SMAP1: variants seen among roughly 807,000 people sequenced by gnomAD.
The protein encoded by SMAP1 is stromal membrane-associated protein 1.
SMAP1 carries 24 observed loss-of-function variants against 58.5 expected under a neutral mutation model. The observed-to-expected ratio is 0.41, with a 90% CI of 0.30 to 0.58. SMAP1 has a LOEUF of 0.58. Ranked by LOEUF, SMAP1 falls within the 20% of genes least tolerant of loss-of-function variation. The pLI is 0.29. For synonymous variants in SMAP1, 216 were observed against 196.6 expected (o/e 1.10, Z -0.82); for missense variants, 563 against 566.3 (o/e 0.99, Z 0.06).
At chr6:70,769,821 T>G (rs1209088896) in intron 3 of SMAP1, among the ~76,000 whole-genome samples, 2 of 152,206 alleles carry the variant, frequency 1.3e-5, no homozygotes. Context: ...ATTTTGCTCG[T>G]TAGTTGATGC....
At chr6:70,680,540 A>G (rs578087688) in intron 1 of SMAP1, among the ~76,000 whole-genome samples, 1 of 152,162 alleles carries the variant, frequency 6.6e-6, no homozygotes, top group Non-Finnish European at 1.5e-5. Context: ...AAACAATTCA[A>G]ATGTTTTATC....
intron 2 of SMAP1, among the ~76,000 whole-genome samples, chr6:70,734,019 A>G (rs948912810): frequency 2.6e-5 from 4 of 151,186 alleles, no homozygotes; most frequent in African/African-American, 4.9e-5. Flanking sequence ...TTTTTTTTAC[A>G]ATGTAAGGAT....
intron 6 of SMAP1, among the ~76,000 whole-genome samples, chr6:70,802,376 G>C (rs1324876337): frequency 1.3e-5 from 2 of 152,202 alleles, no homozygotes; most frequent in Non-Finnish European, 2.9e-5. Flanking sequence ...AAACTTTGCT[G>C]AAGTTGCTTA....
intron 7 of SMAP1, among the ~76,000 whole-genome samples, chr6:70,846,300 T>A (rs117785728): frequency 2.6e-5 from 4 of 152,174 alleles, no homozygotes; most frequent in African/African-American, 9.7e-5. Context: ...TTGGAAAGCA[T>A]TTCAATTAAT....
At chr6:70,852,484 T>A in intron 7 of SMAP1, 56 bp from the exon 8 acceptor site, 2 of 1,388,758 alleles carry the variant, frequency 1.4e-6, no homozygotes, top group Non-Finnish European at 1.9e-6. Flanking sequence ...AATAATGCCA[T>A]GTTTCAAGTA....
At chr6:70,759,460 G>T (rs1582128406) in intron 3 of SMAP1, among the ~76,000 whole-genome samples, 1 of 151,974 alleles carries the variant, frequency 6.6e-6, no homozygotes, top group East Asian at 1.9e-4. Flanking sequence ...CATCCTTTAT[G>T]TGTTACCTAT....
intron 2 of SMAP1, among the ~76,000 whole-genome samples, chr6:70,742,431 A>T (rs1325029090): frequency 6.6e-6 from 1 of 152,210 alleles, no homozygotes; most frequent in African/African-American, 2.4e-5. Context: ...ACATAGCAAG[A>T]GTCACCTTTA....
chr6:70,858,295 T>G, intron 10 of SMAP1, 66 bp downstream of exon 10: 1 of 1,209,590 alleles, frequency 8.3e-7, no homozygotes, highest in South Asian at 1.7e-5. Context: ...ATCTTTTTTT[T>G]TTTTTTTTTT....
At chr6:70,773,764 T>C (rs528758380) in intron 4 of SMAP1, among the ~76,000 whole-genome samples, 22 of 152,308 alleles carry the variant, frequency 1.4e-4, no homozygotes, top group African/African-American at 5.3e-4. Context: ...AAGGCAAATA[T>C]ATGTCTTCCT....
intron 1 of SMAP1, among the ~76,000 whole-genome samples, chr6:70,669,073 A>G (rs1230214200): frequency 6.6e-6 from 1 of 152,064 alleles, no homozygotes; most frequent in East Asian, 1.9e-4. Context: ...GATCTGATTT[A>G]TGTTTAATGT....
At chr6:70,749,291 C>T (rs923531086) in intron 2 of SMAP1, among the ~76,000 whole-genome samples, 2 of 152,132 alleles carry the variant, frequency 1.3e-5, no homozygotes, top group Non-Finnish European at 2.9e-5. Context: ...ATTCAATCAC[C>T]TCCCACCAAG....
At chr6:70,765,391 A>G (rs1766926169) in intron 3 of SMAP1, among the ~76,000 whole-genome samples, 1 of 152,238 alleles carries the variant, frequency 6.6e-6, no homozygotes, top group African/African-American at 2.4e-5. Context: ...ACATTTCTAA[A>G]TAAAGACCCA....
chr6:70,857,861 A>G, intron 9 of SMAP1, 61 bp from the exon 10 acceptor site: 1 of 1,557,302 alleles, frequency 6.4e-7, no homozygotes, highest in African/African-American at 1.4e-5. Flanking sequence ...CTGTGATTAT[A>G]GAGATGAGTG....
At chr6:70,742,060 A>G (rs1226590569) in intron 2 of SMAP1, among the ~76,000 whole-genome samples, 1 of 152,232 alleles carries the variant, frequency 6.6e-6, no homozygotes, top group Non-Finnish European at 1.5e-5. Context: ...TAGGCCCCTA[A>G]GCCTGTGATA....
intron 2 of SMAP1, among the ~76,000 whole-genome samples, chr6:70,740,988 G>A (rs1382256444): frequency 6.6e-6 from 1 of 152,102 alleles, no homozygotes; most frequent in Non-Finnish European, 1.5e-5. Flanking sequence ...AACAGTAAGG[G>A]GAAAACCGCC....
intron 6 of SMAP1, among the ~76,000 whole-genome samples, chr6:70,805,651 G>C (rs1178342509): frequency 6.6e-6 from 1 of 152,114 alleles, no homozygotes; most frequent in Non-Finnish European, 1.5e-5. Context: ...ATCTACCTTT[G>C]GTCTTTGATG....
At chr6:70,675,634 GA>G (rs1766451697) in intron 1 of SMAP1, among the ~76,000 whole-genome samples, 1 of 148,274 alleles carries the variant, frequency 6.7e-6, no homozygotes, top group African/African-American at 2.5e-5. Flanking sequence ...CTGGGCAACA[GA>G]GCGAGACTCC....
At position 70,723,690 on chromosome 6, in the gene SMAP1, A is replaced by G. The variant is rs1167139931; in HGVS notation, c.119-8688A>G. On this transcript the variant is annotated intron_variant, in intron 1 of 10. Transcript: ENST00000370455. ...CTGGAGTTTATCTGTTTAGTTTACTACTATATCCCCAGAGCCCTTAACAGT... is the reference window on the plus strand; with the variant it reads ...CTGGAGTTTATCTGTTTAGTTTACTGCTATATCCCCAGAGCCCTTAACAGT... Among the ~76,000 whole-genome samples, 5 of 152,148 alleles carry G rather than the reference A, an allele frequency of 3.3e-5. No homozygotes were observed. The East Asian group carries it at 9.6e-4, about 29-fold the overall frequency.
intron 1 of SMAP1, among the ~76,000 whole-genome samples, chr6:70,728,940 C>T (rs1176775907): frequency 6.6e-6 from 1 of 152,144 alleles, no homozygotes; most frequent in African/African-American, 2.4e-5. Flanking sequence ...TTACCACATC[C>T]AGATGTTCTT....
Sources: gnomAD v4.1 joint callset for allele counts (sites outside exome capture counted in the v4.1 genomes callset) on GRCh38, gnomAD v4.1.1 for gene constraint, MANE v1.5 for transcripts, NCBI Gene and HGNC (gene_info 2026-07-23, HGNC 2026-07-21) for gene names.